The following ZBTB40 variants were observed in gnomAD, a reference collection of about 807,000 sequenced individuals.
The protein encoded by ZBTB40 is zinc finger and BTB domain-containing protein 40.
A neutral mutation model predicts 117.5 loss-of-function variants in ZBTB40; 60 were observed. That is an observed-to-expected ratio of 0.51 (90% confidence interval 0.41 to 0.63). The LOEUF (loss-of-function observed/expected upper bound fraction) is 0.63, where lower values mean the gene tolerates loss of function less well. Ranked by LOEUF, ZBTB40 falls within the 30% of genes least tolerant of loss-of-function variation. The pLI is 0.00. For synonymous variants in ZBTB40, 525 were observed against 577.1 expected (o/e 0.91, Z 1.29); for missense variants, 1,287 against 1,498.5 (o/e 0.86, Z 2.33).
rs150521266 is a variant in ZBTB40, at chr1:22,501,538, A to G, written c.878A>G (p.Gln293Arg). The change falls in exon 4 of 18, where the codon CAG (glutamine) becomes CGG (arginine). Residue 293 changes from glutamine (Q) to arginine (R), a missense_variant. Gln to Arg is a conservative substitution (Grantham distance 43). Coordinates refer to ENST00000375647, the MANE Select transcript of ZBTB40 (RefSeq NM_014870.4). ...FEGEGGHSAFQRILGKVREES... is the reference protein window; with the variant it reads ...FEGEGGHSAFRRILGKVREES... ...GGTGAAGGAGGACATTCAGCATTCCAGAGAATCCTGGGTAAAGTAAGAGAG... is the reference window on the plus strand; with the variant it reads ...GGTGAAGGAGGACATTCAGCATTCCGGAGAATCCTGGGTAAAGTAAGAGAG... 2 of 1,614,176 alleles carry G rather than the reference A, an allele frequency of 1.2e-6. No homozygotes were observed. The highest frequency in any genetic ancestry group is 1.7e-6 in the Non-Finnish European group (2 of 1,180,020).
At chr1:22,503,198 T>G (rs1638989754) in intron 5 of ZBTB40, among the ~76,000 whole-genome samples, 1 of 151,696 alleles carries the variant, frequency 6.6e-6, no homozygotes, top group Non-Finnish European at 1.5e-5. Flanking sequence ...ATTCCCTTAC[T>G]ATAATTTCTA....
At chr1:22,506,538 G>A (rs1569861108) in intron 6 of ZBTB40, among the ~76,000 whole-genome samples, 1 of 152,296 alleles carries the variant, frequency 6.6e-6, no homozygotes, top group African/African-American at 2.4e-5. Context: ...AGGAGCAAAT[G>A]TGCTCATAAG....
chr1:22,469,094 G>A (rs1004030367), intron 1 of ZBTB40, among the ~76,000 whole-genome samples: 1 of 151,998 alleles, frequency 6.6e-6, no homozygotes, highest in African/African-American at 2.4e-5. Context: ...CTCCCAAAGT[G>A]CTGGGATTAT....
rs1260953150 is a variant in ZBTB40 at position 22,511,103 on chromosome 1, T to TC, written c.1834-76_1834-75insC. ...CCTTCCTGGGATTAGCTTTTTTTTT[T>TC]TTTTTTTAGGTTGAAAACCATGGGG... On this transcript the variant is annotated intron_variant, in intron 9 of 17. Transcript: ENST00000375647. 3 of 1,569,036 alleles carry TC rather than the reference T, an allele frequency of 1.9e-6. No individual in the cohort carries two copies. In the African/African-American group the frequency reaches 4.1e-5, roughly 21 times the overall value.
At chr1:22,467,628 C>G (rs913181881) in intron 1 of ZBTB40, among the ~76,000 whole-genome samples, 1 of 152,110 alleles carries the variant, frequency 6.6e-6, no homozygotes, top group African/African-American at 2.4e-5. Flanking sequence ...GTGGGCACCA[C>G]TACACCTGGC....
chr1:22,497,863 G>A (rs1285188096), intron 3 of ZBTB40, among the ~76,000 whole-genome samples: 2 of 152,174 alleles, frequency 1.3e-5, no homozygotes, highest in Non-Finnish European at 2.9e-5. Context: ...CCTGGTGTGA[G>A]GAAGAAGGTA....
intron 9 of ZBTB40, 47 bp from the exon 10 acceptor site, chr1:22,511,132 A>G: frequency 6.2e-7 from 1 of 1,609,070 alleles, no homozygotes; most frequent in Non-Finnish European, 8.5e-7. Context: ...CATGGGGAAA[A>G]TCTGCTGAGA....
rs1640884333 is a variant in ZBTB40 at position 22,451,971 on chromosome 1, A to G, written c.-103A>G. The G allele has an allele frequency of 1.3e-5, 2 of 152,450 alleles. No individual in the cohort carries two copies. The highest frequency in any genetic ancestry group is 2.4e-5 in the African/African-American group (1 of 41,474). The allele number at this position is 152,450 out of a possible 1,614,324, so 9.4% of individuals were successfully genotyped here. ...GTTCGTGTCCTCTATGGCGCTGTCAATAAAGAACGGCAGTTTGAATCGGTG... is the reference window on the plus strand; with the variant it reads ...GTTCGTGTCCTCTATGGCGCTGTCAGTAAAGAACGGCAGTTTGAATCGGTG... On this transcript the variant is annotated 5_prime_UTR_variant, in exon 1 of 18. Coordinates refer to ENST00000375647, the MANE Select transcript of ZBTB40 (RefSeq NM_014870.4).
At chr1:22,517,857 G>A (rs897651643) in intron 13 of ZBTB40, among the ~76,000 whole-genome samples, 2 of 152,164 alleles carry the variant, frequency 1.3e-5, no homozygotes, top group Non-Finnish European at 2.9e-5. Context: ...CTGAGTTAAT[G>A]TCTACCATCG....
chr1:22,495,537 A>C (rs949947111), intron 3 of ZBTB40, among the ~76,000 whole-genome samples: 2 of 151,368 alleles, frequency 1.3e-5, no homozygotes. Flanking sequence ...TTTGAGACGG[A>C]ATCTTGCTCT....
chr1:22,507,163 A>C (rs1639095488), intron 6 of ZBTB40, among the ~76,000 whole-genome samples: 1 of 152,190 alleles, frequency 6.6e-6, no homozygotes. Flanking sequence ...CCCTCACTGC[A>C]CCATTCTGTA....
At chr1:22,516,949 G>A (rs1639387651) in intron 12 of ZBTB40, among the ~76,000 whole-genome samples, 1 of 152,134 alleles carries the variant, frequency 6.6e-6, no homozygotes, top group Non-Finnish European at 1.5e-5. Flanking sequence ...GTCGCCAGGG[G>A]ATCCAAACCC....
At chr1:22,430,931 C>T (rs1188179550) in intron 1 of ZBTB40, among the ~76,000 whole-genome samples, 1 of 151,878 alleles carries the variant, frequency 6.6e-6, no homozygotes, top group Non-Finnish European at 1.5e-5. Flanking sequence ...TTTATTAATT[C>T]TTTTGTAGCT....
In ZBTB40 at chr1:22,483,961, G is replaced by A. The variant is rs568347551; in HGVS notation, c.-69-5919G>A. Among the ~76,000 whole-genome samples the A allele has an allele frequency of 9.2e-5, 14 of 152,130 alleles. No homozygotes were observed. The East Asian group carries it at 9.6e-4, about 10-fold the overall frequency. On this transcript the variant is annotated intron_variant, in intron 1 of 17. Transcript: ENST00000375647. ...GGTCTATGTCTAGATTCATTTTTTC[G>A]TATGTGAATGTCCAGTTGGTTCCAG...
chr1:22,486,221 C>A (rs1011293222), intron 1 of ZBTB40, among the ~76,000 whole-genome samples: 6 of 152,174 alleles, frequency 3.9e-5, no homozygotes, highest in African/African-American at 1.4e-4. Flanking sequence ...GGAGGAGAAG[C>A]TTTCTGTAGT....
At chr1:22,453,630 C>T (rs1640935497) in intron 1 of ZBTB40, among the ~76,000 whole-genome samples, 1 of 152,200 alleles carries the variant, frequency 6.6e-6, no homozygotes, top group African/African-American at 2.4e-5. Flanking sequence ...ACTTAATCCT[C>T]ACACCAATAC....
intron 1 of ZBTB40, among the ~76,000 whole-genome samples, chr1:22,478,541 C>T (rs770329158): frequency 5.3e-5 from 8 of 152,188 alleles, no homozygotes; most frequent in East Asian, 3.9e-4. Flanking sequence ...CCACCGTGCC[C>T]GGCTCTGTGC....
intron 1 of ZBTB40, among the ~76,000 whole-genome samples, chr1:22,461,057 G>T (rs763061019): frequency 6.6e-6 from 1 of 152,114 alleles, no homozygotes; most frequent in East Asian, 1.9e-4. Flanking sequence ...GTATGATGTC[G>T]TGAACATAGT....
rs570978796 is a variant in ZBTB40 at position 22,519,937 on chromosome 1, G to A, written c.2834-124G>A. The A allele has an allele frequency of 3.7e-5, 33 of 890,706 alleles. No homozygotes were observed. In the African/African-American group the frequency reaches 4.6e-4, roughly 12 times the overall value. 55.2% of individuals were successfully genotyped at this position (890,706 alleles called of 1,614,324 possible). ...ATCCTTGGAGTCTATGACCCTGCCTGTTACGTAAAGCAGAGTCTTCACATT... is the reference window on the plus strand; with the variant it reads ...ATCCTTGGAGTCTATGACCCTGCCTATTACGTAAAGCAGAGTCTTCACATT... On this transcript the variant is annotated intron_variant, in intron 13 of 17. Transcript: ENST00000375647.
Sources: allele counts gnomAD v4.1 joint callset (sites outside exome capture counted in the v4.1 genomes callset), GRCh38; gene constraint gnomAD v4.1.1; transcripts MANE v1.5; gene names NCBI Gene and HGNC (gene_info 2026-07-23, HGNC 2026-07-21).